The following NIPAL3 variants were observed in gnomAD, a reference collection of about 807,000 sequenced individuals.
NIPAL3 encodes the protein NIPA-like protein 3.
A neutral mutation model predicts 47.2 loss-of-function variants in NIPAL3; 41 were observed. That is an observed-to-expected ratio of 0.87 (90% CI 0.68 to 1.13). The LOEUF (loss-of-function observed/expected upper bound fraction) is 1.13, where lower values mean the gene tolerates loss of function less well. Among genes scored for constraint, NIPAL3 ranks in the 50% most tolerant of loss-of-function variants. The pLI, the probability that NIPAL3 is intolerant of heterozygous loss-of-function variation, is 0.00. For synonymous variants in NIPAL3, 194 were observed against 209.6 expected (o/e 0.93, Z 0.64); for missense variants, 449 against 530.1 (o/e 0.85, Z 1.50).
At position 24,470,345 on chromosome 1, in the gene NIPAL3, A is replaced by G. The variant is rs1266936760; in HGVS notation, c.*1160A>G. ...TTAATGGGCATAAGGATCCCCTAGA[A>G]GCATATGTAAAATGCAGATTCCTGC... On this transcript the variant is annotated 3_prime_UTR_variant, in exon 12 of 12. Transcript: ENST00000374399. 1 of 152,240 alleles carries G rather than the reference A, an allele frequency of 6.6e-6. No homozygotes were observed. The highest frequency in any genetic ancestry group is 2.4e-5 in the African/African-American group (1 of 41,456). The allele number at this position is 152,240 out of a possible 1,614,324, so 9.4% of individuals were successfully genotyped here.
chr1:24,449,643 G>T lies in NIPAL3; in HGVS notation c.540+17G>T. ...TTGTACATGGTAAGAGAAGCCTCCA[G>T]TCGTTCCCCCTGAGATGGCAGGAGG... On this transcript the variant is annotated intron_variant, in intron 6 of 11. Coordinates refer to ENST00000374399, the MANE Select transcript of NIPAL3 (RefSeq NM_020448.5). This position sits in a 1 kb window ranked among gnomAD's most constrained non-coding sequence, Gnocchi z 4.5. 5 of 1,608,980 alleles carry T rather than the reference G, an allele frequency of 3.1e-6. No individual in the cohort carries two copies. The highest frequency in any genetic ancestry group is 4.2e-6 in the Non-Finnish European group (5 of 1,177,724).
chr1:24,465,817 T>C (rs1001717640), intron 11 of NIPAL3: 2 of 760,926 alleles, frequency 2.6e-6, no homozygotes, highest in African/African-American at 1.8e-5. Context: ...GGTAGATGCC[T>C]GGTTATATTT....
At chr1:24,415,765 C>A (rs1643988570), upstream of NIPAL3, 2 of 908,152 alleles carry the variant, frequency 2.2e-6, no homozygotes, top group South Asian at 5.0e-5. Flanking sequence ...AAATCGCGAC[C>A]TTTGAAAGCA....
At chr1:24,452,152 T>G (rs1343711166) in intron 6 of NIPAL3, among the ~76,000 whole-genome samples, 2 of 152,198 alleles carry the variant, frequency 1.3e-5, no homozygotes, top group Non-Finnish European at 2.9e-5. Flanking sequence ...CACTGGGCGC[T>G]AGGGCTGGCT....
chr1:24,429,106 G>T (rs887848040), intron 2 of NIPAL3, among the ~76,000 whole-genome samples: 1 of 152,162 alleles, frequency 6.6e-6, no homozygotes, highest in Non-Finnish European at 1.5e-5. Context: ...CCATCTTTAT[G>T]CATCAAAAAT....
chr1:24,449,354 C>CA lies in NIPAL3; in HGVS notation c.395-122dup. On this transcript the variant is annotated intron_variant, in intron 5 of 11. Transcript: ENST00000374399. This position sits in a 1 kb window ranked among gnomAD's most constrained non-coding sequence, Gnocchi z 4.5. ...TTTATTTTTTAAAGTAAAGAAAAAC[C>CA]AAAAATACAAACAATACCAGGTCAT... 1.0e-6 allele frequency: 1 copy of CA among 968,418 alleles called. No homozygotes were observed. The highest frequency in any genetic ancestry group is 3.7e-4 in the Middle Eastern group (1 of 2,694). The allele number at this position is 968,418 out of a possible 1,614,324, so 60.0% of individuals were successfully genotyped here.
chr1:24,438,684 T>C (rs1285067252), intron 2 of NIPAL3, among the ~76,000 whole-genome samples: 1 of 152,212 alleles, frequency 6.6e-6, no homozygotes, highest in African/African-American at 2.4e-5. Flanking sequence ...TGAGGACTGT[T>C]TGTCTTGTTA....
intron 4 of NIPAL3, among the ~76,000 whole-genome samples, chr1:24,443,439 T>C (rs60090093): frequency 0.01 from 1,536 of 152,322 alleles, 26 homozygotes; most frequent in African/African-American, 0.033. Context: ...AGAGGTTCTC[T>C]TCTATGCAAG....
chr1:24,437,911 T>C (rs890063241), intron 2 of NIPAL3, among the ~76,000 whole-genome samples: 2 of 152,224 alleles, frequency 1.3e-5, no homozygotes, highest in Admixed American at 1.3e-4. Context: ...AAAATGTTAG[T>C]CAAGTGAGAG....
At chr1:24,433,370 T>G (rs1644962084) in intron 2 of NIPAL3, among the ~76,000 whole-genome samples, 1 of 152,078 alleles carries the variant, frequency 6.6e-6, no homozygotes, top group Non-Finnish European at 1.5e-5. Flanking sequence ...AGGCCACAAA[T>G]GGGTTGAGGG....
At position 24,471,511 on chromosome 1, in the gene NIPAL3, G is replaced by A. The variant is rs195728; in HGVS notation, c.*2326G>A. ...TGGGAGGATCGCTAGAGCCCAGAGAGCCAAGGCTACAGTGAGCCATGATCA... is the reference window on the plus strand; with the variant it reads ...TGGGAGGATCGCTAGAGCCCAGAGAACCAAGGCTACAGTGAGCCATGATCA... On this transcript the variant is annotated 3_prime_UTR_variant, in exon 12 of 12. Coordinates refer to ENST00000374399, the MANE Select transcript of NIPAL3 (RefSeq NM_020448.5). The A allele has an allele frequency of 0.52, 77,487 of 150,164 alleles. 20,569 individuals carry two copies. The highest frequency in any genetic ancestry group is 0.69 in the East Asian group (3,496 of 5,088). 9.3% of individuals were successfully genotyped at this position (150,164 alleles called of 1,614,324 possible). A position where few individuals can be genotyped will look rare whatever the true frequency, so the allele number is the denominator to read the frequency against.
chr1:24,440,346 C>A, intron 3 of NIPAL3, 106 bp downstream of exon 3: 1 of 777,784 alleles, frequency 1.3e-6, no homozygotes, highest in Non-Finnish European at 1.9e-6. Flanking sequence ...TTGCCTACTG[C>A]ATCCCTGGGC....
intron 2 of NIPAL3, among the ~76,000 whole-genome samples, chr1:24,423,211 C>A (rs1197745060): frequency 1.3e-5 from 2 of 152,018 alleles, no homozygotes; most frequent in African/African-American, 4.8e-5. Context: ...TTCCATTCTG[C>A]TTTCGATATT....
At position 24,454,424 on chromosome 1, in the gene NIPAL3, T is replaced by C. The variant is rs1252415846; in HGVS notation, c.637+920T>C. ...GTCACGGAAGGGAGTGGGGGTTAAA[T>C]GAGATGTGCACAGGTGGCTAATATG... On this transcript the variant is annotated intron_variant, in intron 7 of 11. Transcript: ENST00000374399. This position sits in a 1 kb window ranked among gnomAD's most constrained non-coding sequence, Gnocchi z 4.1. 5 of 1,030,154 alleles carry C rather than the reference T, an allele frequency of 4.9e-6. No homozygotes were observed. Among genetic ancestry groups the C allele is most frequent in the Non-Finnish European group, 5.8e-6 (5 of 856,446 alleles). The allele number at this position is 1,030,154 out of a possible 1,614,324, so 63.8% of individuals were successfully genotyped here. A position where few individuals can be genotyped will look rare whatever the true frequency, so the allele number is the denominator to read the frequency against.
Position 24,449,587 on chromosome 1 carries a change from C to T in NIPAL3, c.501C>T (p.Val167=). ...ACGAGAAGATGACAGGCGAGAATGT[C>T]ACCAGGCACCTCGTGAGCTGGCCTT... ...NSHEKMTGEN[V]TRHLVSWPFL... The change falls in exon 6 of 12, where the codon GTC becomes GTT. Residue 167 remains valine (V), a synonymous_variant. Coordinates refer to ENST00000374399, the MANE Select transcript of NIPAL3 (RefSeq NM_020448.5). The surrounding 1 kb of genome is among the most constrained non-coding windows in gnomAD (Gnocchi z 4.5). 1 of 1,613,980 alleles carries T rather than the reference C, an allele frequency of 6.2e-7. No homozygotes were observed. The highest frequency in any genetic ancestry group is 8.5e-7 in the Non-Finnish European group (1 of 1,180,008).
intron 3 of NIPAL3, among the ~76,000 whole-genome samples, chr1:24,441,516 G>A (rs1645381269): frequency 6.6e-6 from 1 of 152,130 alleles, no homozygotes; most frequent in African/African-American, 2.4e-5. Context: ...GACCATGCTT[G>A]AGCCACGTAT....
chr1:24,415,843 C>G lies in NIPAL3; in HGVS notation c.-319C>G. Reference sequence around the variant, plus strand: ...AAGGAGGCTGTGCCTCCGGGTTGCACGAAGAGTCCGAGTCATTTCTCAGAA... The same window carrying G: ...AAGGAGGCTGTGCCTCCGGGTTGCAGGAAGAGTCCGAGTCATTTCTCAGAA... On this transcript the variant is annotated 5_prime_UTR_variant, in exon 1 of 12. Transcript: ENST00000374399. 11 of 985,414 alleles carry G rather than the reference C, an allele frequency of 1.1e-5. No homozygotes were observed. Among genetic ancestry groups the G allele is most frequent in the Non-Finnish European group, 1.3e-5 (11 of 829,946 alleles). 61.0% of individuals were successfully genotyped at this position (985,414 alleles called of 1,614,324 possible). A position where few individuals can be genotyped will look rare whatever the true frequency, so the allele number is the denominator to read the frequency against.
In NIPAL3 at chr1:24,470,567, G is replaced by T. The variant is rs1646870609; in HGVS notation, c.*1382G>T. 1 of 152,144 alleles carries T rather than the reference G, an allele frequency of 6.6e-6. No individual in the cohort carries two copies. Among genetic ancestry groups the T allele is most frequent in the Non-Finnish European group, 1.5e-5 (1 of 68,028 alleles). The allele number at this position is 152,144 out of a possible 1,614,324, so 9.4% of individuals were successfully genotyped here. A position where few individuals can be genotyped will look rare whatever the true frequency, so the allele number is the denominator to read the frequency against. On this transcript the variant is annotated 3_prime_UTR_variant, in exon 12 of 12. Coordinates refer to ENST00000374399, the MANE Select transcript of NIPAL3 (RefSeq NM_020448.5). ...CTTGCTAGAAAATTTCCTCCCTAGG[G>T]TTCCTTTGGAAGGTTAAATACTCCC...
intron 11 of NIPAL3, 76 bp downstream of exon 11, chr1:24,464,196 C>G: frequency 1.8e-6 from 2 of 1,104,366 alleles, no homozygotes; most frequent in Non-Finnish European, 2.7e-6. Context: ...AAAGAGACAA[C>G]CAACTGCTGT....
Sources: gnomAD v4.1 joint callset for allele counts (sites outside exome capture counted in the v4.1 genomes callset) on GRCh38, gnomAD v4.1.1 for gene constraint, Gnocchi (gnomAD v3.1) non-coding constraint, MANE v1.5 for transcripts, NCBI Gene and HGNC (gene_info 2026-07-23, HGNC 2026-07-21) for gene names.